PROB1: variants seen among roughly 807,000 people sequenced by gnomAD.
PROB1 encodes the protein proline rich basic protein 1, also known as proline-rich basic protein 1.
For missense variants in PROB1, 1,453 were observed against 1,485.7 expected (o/e 0.98, Z 0.36); for synonymous variants, 660 against 699.3 (o/e 0.94, Z 0.89).
In PROB1 at chr5:139,392,260, G is replaced by A. The variant is rs912856662; in HGVS notation, c.2822C>T (p.Pro941Leu). 2.0e-6 allele frequency: 3 copies of A among 1,492,438 alleles called. No individual in the cohort carries two copies. The highest frequency in any genetic ancestry group is 2.7e-6 in the Non-Finnish European group (3 of 1,118,036). 92.4% of individuals were successfully genotyped at this position (1,492,438 alleles called of 1,614,324 possible). A position where few individuals can be genotyped will look rare whatever the true frequency, so the allele number is the denominator to read the frequency against. The change falls in exon 1 of 1, where the codon CCG (proline) becomes CTG (leucine). Residue 941 changes from proline to leucine, a missense_variant. By Grantham distance (98) the Pro-to-Leu change is moderately conservative. Transcript: ENST00000434752. This position sits in a 1 kb window ranked among gnomAD's most constrained non-coding sequence, Gnocchi z 5.8. The stretch of plus-strand genomic sequence containing the variant: ...GCTGGGTATAGGCCCATAGGCGGGC[G>A]GGTAGAGGCCGAGCCCCAGGGCCAG... ...TPLALGLGLY[P>L]PAYGPIPSLS...
In PROB1 at chr5:139,392,066, G is replaced by T; in HGVS notation, c.3016C>A (p.Gln1006Lys). ...CAPPSSSGPTQPGKGSLFPL is the reference protein window; with the variant it reads ...CAPPSSSGPTKPGKGSLFPL ...GGGAACAATGAACCCTTGCCGGGCTGGGTGGGACCTGAGCTGGAGGGCGGC... is the reference window on the plus strand; with the variant it reads ...GGGAACAATGAACCCTTGCCGGGCTTGGTGGGACCTGAGCTGGAGGGCGGC... The change falls in exon 1 of 1, where the codon CAG (glutamine) becomes AAG (lysine). Residue 1006 changes from glutamine to lysine, a missense_variant. Transcript: ENST00000434752. The surrounding 1 kb of genome is among the most constrained non-coding windows in gnomAD (Gnocchi z 5.8). 1 of 1,407,408 alleles carries T rather than the reference G, an allele frequency of 7.1e-7. No individual in the cohort carries two copies. The highest frequency in any genetic ancestry group is 1.5e-5 in the African/African-American group (1 of 66,506). The allele number at this position is 1,407,408 out of a possible 1,614,324, so 87.2% of individuals were successfully genotyped here.
In PROB1 at chr5:139,394,049, G is replaced by C; in HGVS notation, c.1033C>G (p.Gln345Glu). ...GCCTCCTGGATCTTCTCCTCTGACT[G>C]AAGGAAGATGCTGGAACTAACAGGA... is the stretch of plus-strand genomic sequence containing the variant. Reference protein sequence around the residue: ...LGPVSSSIFLQSEEKIQEARK... With the variant: ...LGPVSSSIFLESEEKIQEARK... The change falls in exon 1 of 1, where the codon CAG becomes GAG. Residue 345 changes from glutamine to glutamate, a missense_variant. Gln to Glu is a conservative substitution (Grantham distance 29). Coordinates refer to ENST00000434752, the MANE Select transcript of PROB1 (RefSeq NM_001161546.2). 1 of 1,550,866 alleles carries C rather than the reference G, an allele frequency of 6.4e-7. No individual in the cohort carries two copies. Among genetic ancestry groups the C allele is most frequent in the Non-Finnish European group, 8.7e-7 (1 of 1,147,000 alleles).
Position 139,394,262 on chromosome 5 carries a change from TG to T in PROB1, c.819del (p.Thr274ArgfsTer115). 6.5e-7 allele frequency: 1 copy of T among 1,544,758 alleles called. No individual in the cohort carries two copies. The highest frequency in any genetic ancestry group is 8.7e-7 in the Non-Finnish European group (1 of 1,143,608). On this transcript the variant is annotated frameshift_variant, in exon 1 of 1. Transcript: ENST00000434752. LOFTEE classifies it low-confidence loss of function (END_TRUNC). Reference protein sequence around the residue: ...APAPSSATFGSTGRSEPETRE... With the variant: ...APAPSSATFGXTGRSEPETRE... ...CGGGTCTCAGGTTCCGACCGCCCCG[TG>T]GACCCGAAGGTGGCGCTGCTCGGGG...
In PROB1 at chr5:139,394,598, C is replaced by A. The variant is rs555069380; in HGVS notation, c.484G>T (p.Asp162Tyr). 14 of 1,531,790 alleles carry A rather than the reference C, an allele frequency of 9.1e-6. No homozygotes were observed. In the East Asian group the frequency reaches 3.0e-4, roughly 32 times the overall value. 94.9% of individuals were successfully genotyped at this position (1,531,790 alleles called of 1,614,324 possible). A position where few individuals can be genotyped will look rare whatever the true frequency, so the allele number is the denominator to read the frequency against. Residue 162 changes from aspartate (D) to tyrosine (Y), a missense_variant, in exon 1 of 1, where the codon GAT (aspartate) becomes TAT (tyrosine). Asp to Tyr is a radical substitution (Grantham distance 160, BLOSUM62 -3). Coordinates refer to ENST00000434752, the MANE Select transcript of PROB1 (RefSeq NM_001161546.2). ...TAGGTGGCCCAGCGGGAGCCACCAT[C>A]GGGGACCTGGGACTGGCGTGGGACC... ...AAVPRQSQVPDGGSRWATYLE... is the reference protein window; with the variant it reads ...AAVPRQSQVPYGGSRWATYLE...
Position 139,391,894 on chromosome 5 carries a change from C to T in PROB1, c.*140G>A. On this transcript the variant is annotated 3_prime_UTR_variant, in exon 1 of 1. Coordinates refer to ENST00000434752, the MANE Select transcript of PROB1 (RefSeq NM_001161546.2). This position sits in a 1 kb window ranked among gnomAD's most constrained non-coding sequence, Gnocchi z 4.8. ...CAGCCTCGGGGCTCAGATTCATTCT[C>T]TGAAGATCACTTCCTGTCCGACGAC... 1 of 702,484 alleles carries T rather than the reference C, an allele frequency of 1.4e-6. No individual in the cohort carries two copies. Among genetic ancestry groups the T allele is most frequent in the Non-Finnish European group, 2.0e-6 (1 of 497,894 alleles). 43.5% of individuals were successfully genotyped at this position (702,484 alleles called of 1,614,324 possible). A position where few individuals can be genotyped will look rare whatever the true frequency, so the allele number is the denominator to read the frequency against.
chr5:139,392,216 G>A lies in PROB1; in HGVS notation c.2866C>T (p.Pro956Ser). 6.9e-7 allele frequency: 1 copy of A among 1,439,036 alleles called. No individual in the cohort carries two copies. Among genetic ancestry groups the A allele is most frequent in the Non-Finnish European group, 9.2e-7 (1 of 1,089,642 alleles). 89.1% of individuals were successfully genotyped at this position (1,439,036 alleles called of 1,614,324 possible). ...GGGCTGCCGAGGGCCTGCGGGCCCG[G>A]GGACGGTGGCAGAGAGAGGCTGGGT... The part of the protein sequence containing the change: ...PIPSLSLPPS[P>S]GPQALGSPQL... The change falls in exon 1 of 1, where the codon CCG becomes TCG. Residue 956 changes from proline (P) to serine (S), a missense_variant. Transcript: ENST00000434752. This position sits in a 1 kb window ranked among gnomAD's most constrained non-coding sequence, Gnocchi z 5.8.
In PROB1 at chr5:139,394,411, C is replaced by T. The variant is rs1114167279; in HGVS notation, c.671G>A (p.Gly224Asp). ...CAGGAGCAGCCGGGGGCGCGGCGCG[C>T]CGGCCGCCCTTGGGGGACTCTGGGG... is the stretch of plus-strand genomic sequence containing the variant. ...PRPQSPPRAA[G>D]APRPRLLLRT... The change falls in exon 1 of 1, where the codon GGC becomes GAC. Residue 224 changes from glycine (G) to aspartate (D), a missense_variant. Transcript: ENST00000434752. The T allele has an allele frequency of 4.3e-6, 6 of 1,389,224 alleles. No homozygotes were observed. In the Admixed American group the frequency reaches 2.2e-4, roughly 51 times the overall value. 86.1% of individuals were successfully genotyped at this position (1,389,224 alleles called of 1,614,324 possible).
chr5:139,393,365 G>C lies in PROB1; in HGVS notation c.1717C>G (p.Leu573Val). 6.4e-7 allele frequency: 1 copy of C among 1,551,570 alleles called. No homozygotes were observed. ...GACTGCTGACTCCCTCCAAAGGCAAGATCTGAAATTTCCCGCGTGGATGGA... is the reference window on the plus strand; with the variant it reads ...GACTGCTGACTCCCTCCAAAGGCAACATCTGAAATTTCCCGCGTGGATGGA... ...QSPSTREISD[L>V]AFGGSQQSPE... Residue 573 changes from leucine to valine, a missense_variant, in exon 1 of 1, where the codon CTT (leucine) becomes GTT (valine). Coordinates refer to ENST00000434752, the MANE Select transcript of PROB1 (RefSeq NM_001161546.2).
rs753756248 is a variant in PROB1, at chr5:139,393,974, C to T, written c.1108G>A (p.Ala370Thr). ...REAPDRTVQR[A>T]RSPPFECRIP... ...CTACACTCAAAAGGCGGACTCCGTG[C>T]CCTCTGAACAGTTCGATCCGGCGCC... Residue 370 changes from alanine to threonine, a missense_variant, in exon 1 of 1, where the codon GCA becomes ACA. Physicochemically the swap from Ala to Thr is moderately conservative, Grantham distance 58 (BLOSUM62 0). Transcript: ENST00000434752. 3 of 1,550,626 alleles carry T rather than the reference C, an allele frequency of 1.9e-6. No homozygotes were observed. The highest frequency in any genetic ancestry group is 2.0e-5 in the Admixed American group (1 of 51,016).
chr5:139,392,872 C>G lies in PROB1; in HGVS notation c.2210G>C (p.Gly737Ala), dbSNP rs1429850035. The G allele has an allele frequency of 6.5e-7, 1 of 1,544,842 alleles. No individual in the cohort carries two copies. The highest frequency in any genetic ancestry group is 8.7e-7 in the Non-Finnish European group (1 of 1,144,072). The change falls in exon 1 of 1, where the codon GGG (glycine) becomes GCG (alanine). Residue 737 changes from glycine to alanine, a missense_variant. Transcript: ENST00000434752. This position sits in a 1 kb window ranked among gnomAD's most constrained non-coding sequence, Gnocchi z 5.8. ...GGGCCGGCGACCCAAGGCCAGGGCCCCAGGCAGGCGGATCTCTGTGCGCTT... is the reference window on the plus strand; with the variant it reads ...GGGCCGGCGACCCAAGGCCAGGGCCGCAGGCAGGCGGATCTCTGTGCGCTT... ...PFKRTEIRLP[G>A]ALALGRRPEV...
rs1186011867 is a variant in PROB1 at position 139,394,332 on chromosome 5, G to C, written c.750C>G (p.Phe250Leu). 6.9e-7 allele frequency: 1 copy of C among 1,451,472 alleles called. No individual in the cohort carries two copies. The highest frequency in any genetic ancestry group is 9.0e-7 in the Non-Finnish European group (1 of 1,106,130). 89.9% of individuals were successfully genotyped at this position (1,451,472 alleles called of 1,614,324 possible). Residue 250 changes from phenylalanine (F) to leucine (L), a missense_variant, in exon 1 of 1, where the codon TTC becomes TTG. Transcript: ENST00000434752. ...GTTTTCTGGCCAACGCCGTCTGCAC[G>C]AAGCCCGCGGCGGCCTGCAGGGGGC... Reference protein sequence around the residue: ...SLGPLQAAAGFVQTALARKLS... With the variant: ...SLGPLQAAAGLVQTALARKLS...
In PROB1 at chr5:139,393,663, G is replaced by A; in HGVS notation, c.1419C>T (p.Leu473=). 1 of 1,550,710 alleles carries A rather than the reference G, an allele frequency of 6.4e-7. No individual in the cohort carries two copies. Among genetic ancestry groups the A allele is most frequent in the Admixed American group, 2.0e-5 (1 of 50,984 alleles). The part of the protein sequence containing the change: ...QCVAGERSPS[L]EAPSLWEIPH... The stretch of plus-strand genomic sequence containing the variant: ...GAATCTCCCACAGGGAAGGGGCTTC[G>A]AGGGACGGGCTCCTTTCCCCAGCAA... Residue 473 remains leucine (L), a synonymous_variant, in exon 1 of 1, where the codon CTC becomes CTT. Transcript: ENST00000434752.
Position 139,391,950 on chromosome 5 carries a change from G to T in PROB1, c.*84C>A. 1.8e-6 allele frequency: 2 copies of T among 1,119,026 alleles called. No individual in the cohort carries two copies. Among genetic ancestry groups the T allele is most frequent in the Non-Finnish European group, 1.2e-6 (1 of 860,970 alleles). The allele number at this position is 1,119,026 out of a possible 1,614,324, so 69.3% of individuals were successfully genotyped here. ...GGGATGGGTTAAAGACAGAGGCGACGGAAGGAGAGGAGGGTAGGGGCTTGG... is the reference window on the plus strand; with the variant it reads ...GGGATGGGTTAAAGACAGAGGCGACTGAAGGAGAGGAGGGTAGGGGCTTGG... On this transcript the variant is annotated 3_prime_UTR_variant, in exon 1 of 1. Coordinates refer to ENST00000434752, the MANE Select transcript of PROB1 (RefSeq NM_001161546.2). The surrounding 1 kb of genome is among the most constrained non-coding windows in gnomAD (Gnocchi z 4.8).
At position 139,393,132 on chromosome 5, in the gene PROB1, C is replaced by T; in HGVS notation, c.1950G>A (p.Ala650=). 6.5e-7 allele frequency: 1 copy of T among 1,532,296 alleles called. No individual in the cohort carries two copies. Among genetic ancestry groups the T allele is most frequent in the Non-Finnish European group, 8.8e-7 (1 of 1,136,762 alleles). The allele number at this position is 1,532,296 out of a possible 1,614,324, so 94.9% of individuals were successfully genotyped here. The stretch of plus-strand genomic sequence containing the variant: ...CCTCCCCGCAGGGGTCGGCAGGAGG[C>T]GCAGGCAGCCCAGAGCCTTGTGCTC... ...PAGAQGSGLP[A]PPADPCGEEG... The change falls in exon 1 of 1, where the codon GCG becomes GCA. Residue 650 remains alanine, a synonymous_variant. Transcript: ENST00000434752.
Position 139,390,823 on chromosome 5 carries a change from C to T in PROB1, c.*1211G>A, listed in dbSNP as rs1758592722. On this transcript the variant is annotated 3_prime_UTR_variant, in exon 1 of 1. Transcript: ENST00000434752. ...ACAGGCCTGGAACAACGAAGGCATCCATCCCCATCCCTGCCACTGCTTCTC... is the reference window on the plus strand; with the variant it reads ...ACAGGCCTGGAACAACGAAGGCATCTATCCCCATCCCTGCCACTGCTTCTC... The T allele has an allele frequency of 6.6e-6, 1 of 152,314 alleles. No individual in the cohort carries two copies. Among genetic ancestry groups the T allele is most frequent in the Admixed American group, 6.5e-5 (1 of 15,292 alleles). 9.4% of individuals were successfully genotyped at this position (152,314 alleles called of 1,614,324 possible). A position where few individuals can be genotyped will look rare whatever the true frequency, so the allele number is the denominator to read the frequency against.
chr5:139,391,864 TCCAC>T lies in PROB1; in HGVS notation c.*166_*169del. ...CAGCCACTTCCTGGGTGACTCCAGCTCCACCAGCCTCGGGGCTCAGATTCATTCT... is the reference window on the plus strand; with the variant it reads ...CAGCCACTTCCTGGGTGACTCCAGCTCAGCCTCGGGGCTCAGATTCATTCT... On this transcript the variant is annotated 3_prime_UTR_variant, in exon 1 of 1. Transcript: ENST00000434752. This position sits in a 1 kb window ranked among gnomAD's most constrained non-coding sequence, Gnocchi z 4.8. 3.7e-6 allele frequency: 2 copies of T among 533,352 alleles called. No individual in the cohort carries two copies. The highest frequency in any genetic ancestry group is 3.5e-5 in the East Asian group (1 of 28,592). The allele number at this position is 533,352 out of a possible 1,614,324, so 33.0% of individuals were successfully genotyped here.
Position 139,392,681 on chromosome 5 carries a change from G to C in PROB1, c.2401C>G (p.Pro801Ala), listed in dbSNP as rs771965262. The change falls in exon 1 of 1, where the codon CCC (proline) becomes GCC (alanine). Residue 801 changes from proline (P) to alanine (A), a missense_variant. By Grantham distance (27) the Pro-to-Ala change is conservative. Transcript: ENST00000434752. This position sits in a 1 kb window ranked among gnomAD's most constrained non-coding sequence, Gnocchi z 5.8. ...CTGGCTTGCATCTGAGGGGAGCCGG[G>C]GCGGGGCGATCGGACCCCTGCTGGC... is the stretch of plus-strand genomic sequence containing the variant. ...VGPAGVRSPRPGSPQMQASPS... is the reference protein window; with the variant it reads ...VGPAGVRSPRAGSPQMQASPS... 1.4e-6 allele frequency: 2 copies of C among 1,396,720 alleles called. No homozygotes were observed. The highest frequency in any genetic ancestry group is 1.9e-6 in the Non-Finnish European group (2 of 1,075,392). The allele number at this position is 1,396,720 out of a possible 1,614,324, so 86.5% of individuals were successfully genotyped here.
rs529736634 is a variant in PROB1 at position 139,391,122 on chromosome 5, A to T, written c.*912T>A. ...GGGAGTGGAACCTGCCAAGAGCTTC[A>T]GATCCCTCTGGATACTCCACCAGGG... On this transcript the variant is annotated 3_prime_UTR_variant, in exon 1 of 1. Transcript: ENST00000434752. This position sits in a 1 kb window ranked among gnomAD's most constrained non-coding sequence, Gnocchi z 4.8. 3.5e-4 allele frequency: 53 copies of T among 152,402 alleles called. No individual in the cohort carries two copies. The highest frequency in any genetic ancestry group is 1.3e-3 in the African/African-American group (53 of 41,552). 9.4% of individuals were successfully genotyped at this position (152,402 alleles called of 1,614,324 possible).
In PROB1 at chr5:139,392,772, G is replaced by C. The variant is rs1422131489; in HGVS notation, c.2310C>G (p.Pro770=). 4.2e-6 allele frequency: 6 copies of C among 1,438,134 alleles called. No homozygotes were observed. In the Admixed American group the frequency reaches 1.4e-4, roughly 35 times the overall value. The allele number at this position is 1,438,134 out of a possible 1,614,324, so 89.1% of individuals were successfully genotyped here. Residue 770 remains proline, a synonymous_variant, in exon 1 of 1, where the codon CCC becomes CCG. Coordinates refer to ENST00000434752, the MANE Select transcript of PROB1 (RefSeq NM_001161546.2). The surrounding 1 kb of genome is among the most constrained non-coding windows in gnomAD (Gnocchi z 5.8). ...NRDVEAQRLV[P]DGDGRTSPLG... ...GAGGGCTGGTCCGACCGTCGCCGTC[G>C]GGGACCAGGCGCTGGGCCTCTACAT...
Sources: gnomAD v4.1 joint callset for allele counts on GRCh38, gnomAD v4.1.1 for gene constraint, Gnocchi (gnomAD v3.1) non-coding constraint, MANE v1.5 for transcripts, NCBI Gene and HGNC (gene_info 2026-07-23, HGNC 2026-07-21) for gene names.